TOPBP1: variants seen among roughly 807,000 people sequenced by gnomAD.
TOPBP1 encodes the protein DNA topoisomerase II binding protein 1.
A neutral mutation model predicts 167.7 loss-of-function variants in TOPBP1; 28 were observed. The observed-to-expected ratio is 0.17, with a 90% CI of 0.12 to 0.23. TOPBP1 has a LOEUF of 0.23. Among genes scored for constraint, TOPBP1 ranks in the 10% least tolerant of loss-of-function variants. TOPBP1 has a pLI of 1.00. For synonymous variants in TOPBP1, 598 were observed against 611.4 expected, an observed-to-expected ratio of 0.98 and a Z score of 0.32; for missense variants, 1,554 against 1,809.6, an observed-to-expected ratio of 0.86 and a Z score of 2.56.
rs1476913448 is a variant in TOPBP1 at position 133,649,645 on chromosome 3, G to T, written c.1254-12C>A. 6.2e-7 allele frequency: 1 copy of T among 1,612,254 alleles called. No homozygotes were observed. Among genetic ancestry groups the T allele is most frequent in the Admixed American group, 1.7e-5 (1 of 59,852 alleles). ...CCACTACATGAGGCCTACAAAAATA[G>T]CACATAGTTATGTATTAGTGCAAGC... On this transcript the variant is annotated splice_polypyrimidine_tract_variant and intron_variant, in intron 9 of 27. Transcript: ENST00000260810.
At position 133,620,412 on chromosome 3, in the gene TOPBP1, C is replaced by T. The variant is rs976179087; in HGVS notation, c.3179-65G>A. On this transcript the variant is annotated intron_variant, in intron 19 of 27. Transcript: ENST00000260810. ...TCTTTTTTACCATATCTTACATTAA[C>T]TATTTTGTTTAGACCTGGTTGAACA... 3.3e-5 allele frequency: 50 copies of T among 1,530,184 alleles called. No homozygotes were observed. In the South Asian group the frequency reaches 4.5e-4, roughly 14 times the overall value. The allele number at this position is 1,530,184 out of a possible 1,614,324, so 94.8% of individuals were successfully genotyped here. A position where few individuals can be genotyped will look rare whatever the true frequency, so the allele number is the denominator to read the frequency against.
intron 9 of TOPBP1, 36 bp downstream of exon 9, chr3:133,649,744 T>C: frequency 6.3e-7 from 1 of 1,583,292 alleles, no homozygotes; most frequent in Non-Finnish European, 8.6e-7. Context: ...AAAAATTATG[T>C]AGTAGAAATT....
At chr3:133,624,556 C>T (rs181973374) in intron 16 of TOPBP1, among the ~76,000 whole-genome samples, 1 of 152,336 alleles carries the variant, frequency 6.6e-6, no homozygotes. Context: ...TATATAAATA[C>T]AGAGAGAGGT....
Position 133,652,452 on chromosome 3 carries a change from T to C in TOPBP1, c.1089+11A>G, listed in dbSNP as rs769451733. On this transcript the variant is annotated intron_variant, in intron 8 of 27. Coordinates refer to ENST00000260810, the MANE Select transcript of TOPBP1 (RefSeq NM_007027.4). ...ATCATCTACTGCATGTATTATATAA[T>C]AAAGACGTACCCGACAACCATCTAA... 6.2e-7 allele frequency: 1 copy of C among 1,611,030 alleles called. No individual in the cohort carries two copies.
rs1354817096 is a variant in TOPBP1 at position 133,618,283 on chromosome 3, C to T, written c.3522G>A (p.Gln1174=). Residue 1174 remains glutamine, a synonymous_variant, in exon 21 of 28, where the codon CAG becomes CAA. Coordinates refer to ENST00000260810, the MANE Select transcript of TOPBP1 (RefSeq NM_007027.4). ...AATCCTCCAAGTTTTGAATGTCAAC[C>T]TGAAGCTCAGAGTATTGTGTGGGAC... The part of the protein sequence containing the change: ...PSCPTQYSEL[Q]VDIQNLEDSP... 3 of 1,613,940 alleles carry T rather than the reference C, an allele frequency of 1.9e-6. No individual in the cohort carries two copies. Among genetic ancestry groups the T allele is most frequent in the Admixed American group, 3.3e-5 (2 of 60,028 alleles).
In TOPBP1 at chr3:133,619,879, T is replaced by C. The variant is rs576052688; in HGVS notation, c.3371+276A>G. On this transcript the variant is annotated intron_variant, in intron 20 of 27. Transcript: ENST00000260810. ...ATCTAGAACTGCTGGGAGCAAGAAATGGAAGGACAAGCTAGAACGAAAAAT... is the reference window on the plus strand; with the variant it reads ...ATCTAGAACTGCTGGGAGCAAGAAACGGAAGGACAAGCTAGAACGAAAAAT... Among the ~76,000 whole-genome samples, 6 of 152,078 alleles carry C rather than the reference T, an allele frequency of 3.9e-5. No homozygotes were observed. In the East Asian group the frequency reaches 7.7e-4, roughly 20 times the overall value.
chr3:133,629,351 G>C (rs1411730589), intron 14 of TOPBP1, among the ~76,000 whole-genome samples: 1 of 152,108 alleles, frequency 6.6e-6, no homozygotes, highest in Non-Finnish European at 1.5e-5. Context: ...ACAGTCTTTT[G>C]CAAGTATAAT....
chr3:133,644,932 T>C (rs566234338), intron 10 of TOPBP1, among the ~76,000 whole-genome samples: 1 of 152,352 alleles, frequency 6.6e-6, no homozygotes, highest in East Asian at 1.9e-4. Flanking sequence ...GCTTTACAAA[T>C]GCATGTAATG....
chr3:133,620,469 T>A, intron 19 of TOPBP1, 122 bp from the exon 20 acceptor site: 1 of 957,816 alleles, frequency 1.0e-6, no homozygotes, highest in Non-Finnish European at 1.5e-6. Context: ...TACTGAATAT[T>A]AACTACAGGC....
intron 12 of TOPBP1, among the ~76,000 whole-genome samples, chr3:133,642,627 T>C (rs528996057): frequency 6.6e-6 from 1 of 152,370 alleles, no homozygotes; most frequent in African/African-American, 2.4e-5. Flanking sequence ...GTGTATTCTT[T>C]GTAAGAAGGC....
chr3:133,616,745 T>A, intron 23 of TOPBP1, 69 bp downstream of exon 23: 1 of 863,148 alleles, frequency 1.2e-6, no homozygotes. Flanking sequence ...GATATTAATA[T>A]TGACTACATT....
At chr3:133,628,778 G>A in intron 14 of TOPBP1, 45 bp from the exon 15 acceptor site, 2 of 1,539,334 alleles carry the variant, frequency 1.3e-6, no homozygotes, top group Non-Finnish European at 1.8e-6. Flanking sequence ...AGAAGAGAGA[G>A]AGAGAGAAGC....
chr3:133,606,785 T>C (rs1360538505), intron 27 of TOPBP1, among the ~76,000 whole-genome samples: 6 of 152,084 alleles, frequency 3.9e-5, no homozygotes, highest in African/African-American at 1.4e-4. Flanking sequence ...CAAATGGTGC[T>C]AGAACACCTA....
intron 8 of TOPBP1, among the ~76,000 whole-genome samples, chr3:133,651,294 C>T (rs1195847024): frequency 6.9e-6 from 1 of 145,894 alleles, no homozygotes; most frequent in African/African-American, 2.5e-5. Flanking sequence ...TCAAGTGATT[C>T]TCCTACCTCA....
chr3:133,638,196 G>A (rs369264755), intron 13 of TOPBP1, 34 bp from the exon 14 acceptor site: 46 of 1,585,548 alleles, frequency 2.9e-5, no homozygotes, highest in Non-Finnish European at 4.0e-5. Flanking sequence ...ACAAATATGA[G>A]CCACTAATGC....
intron 13 of TOPBP1, among the ~76,000 whole-genome samples, chr3:133,639,058 C>T (rs1482488041): frequency 6.6e-6 from 1 of 152,164 alleles, no homozygotes; most frequent in Non-Finnish European, 1.5e-5. Flanking sequence ...TGTGGCGATT[C>T]CTCAAAGATC....
Position 133,661,055 on chromosome 3 carries a change from T to TA in TOPBP1, c.72dup (p.Lys25Ter). On this transcript the variant is annotated frameshift_variant, in exon 2 of 28. Transcript: ENST00000260810. LOFTEE classifies it high-confidence loss of function. ...TTTTCAACTCTTACCTCGAGAGCTT[T>TA]AAAAAAACATTTGGAATTGTCTGAA... 3 of 1,586,734 alleles carry TA rather than the reference T, an allele frequency of 1.9e-6. No individual in the cohort carries two copies. The highest frequency in any genetic ancestry group is 3.8e-5 in the Admixed American group (2 of 52,330).
In TOPBP1 at chr3:133,615,074, C is replaced by CTT. The variant is rs397874247; in HGVS notation, c.3871+1738_3871+1739dup. 1.0e-4 allele frequency among the ~76,000 whole-genome samples: 15 copies of CTT among 144,186 alleles called. 1 individual carries two copies. The highest frequency in any genetic ancestry group is 2.0e-4 in the African/African-American group (8 of 39,618). 94.6% of individuals were successfully genotyped at this position (144,186 alleles called of 152,430 possible). On this transcript the variant is annotated intron_variant, in intron 23 of 27. Coordinates refer to ENST00000260810, the MANE Select transcript of TOPBP1 (RefSeq NM_007027.4). ...GTATACAACTGTATTTGACATAAAT[C>CTT]TTTTTTTTTTTTTTAAAGCATATCA... is the stretch of plus-strand genomic sequence containing the variant.
At chr3:133,658,871 C>T (rs1936580285) in intron 3 of TOPBP1, 145 bp downstream of exon 3, 2 of 858,990 alleles carry the variant, frequency 2.3e-6, no homozygotes, top group Admixed American at 3.8e-5. Context: ...ATTAGCCTTT[C>T]AATCCTGGTC....
Sources: allele counts gnomAD v4.1 joint callset (sites outside exome capture counted in the v4.1 genomes callset), GRCh38; gene constraint gnomAD v4.1.1; transcripts MANE v1.5; gene names NCBI Gene and HGNC (gene_info 2026-07-23, HGNC 2026-07-21).